The following CRYL1 variants were observed in gnomAD, a reference collection of about 807,000 sequenced individuals.
The protein encoded by CRYL1 is lambda-crystallin homolog.
A neutral mutation model predicts 36.6 loss-of-function variants in CRYL1; 29 were observed. The observed-to-expected ratio is 0.79, with a 90% CI of 0.59 to 1.08. The LOEUF (loss-of-function observed/expected upper bound fraction) is 1.08, where lower values mean the gene tolerates loss of function less well. Ranked by LOEUF, CRYL1 falls within the 50% of genes least tolerant of loss-of-function variation. The probability of loss-of-function intolerance (pLI) is 0.00; values close to 1 mark genes in which losing one functional copy is unlikely to be tolerated. For synonymous variants in CRYL1, 152 were observed against 151.5 expected, an observed-to-expected ratio of 1.00 and a Z score of -0.02; for missense variants, 411 against 407.9, an observed-to-expected ratio of 1.01 and a Z score of -0.06.
At chr13:20,479,639 A>T (rs995245927) in intron 3 of CRYL1, among the ~76,000 whole-genome samples, 4 of 152,260 alleles carry the variant, frequency 2.6e-5, no homozygotes, top group Non-Finnish European at 5.9e-5. Flanking sequence ...CACTATCATT[A>T]CAATTATAAA....
rs2031922941 is a variant in CRYL1 at position 20,425,904 on chromosome 13, C to A, written c.633+6198G>T. On this transcript the variant is annotated intron_variant, in intron 5 of 7. Transcript: ENST00000298248. The surrounding 1 kb of genome is among the most constrained non-coding windows in gnomAD (Gnocchi z 4.4). The stretch of plus-strand genomic sequence containing the variant: ...GTACAGTCGGCAGGCAGGATACACC[C>A]AAGCACAGGCATTCAGCTACAATCA... Among the ~76,000 whole-genome samples, 1 of 152,182 alleles carries A rather than the reference C, an allele frequency of 6.6e-6. No homozygotes were observed. The highest frequency in any genetic ancestry group is 1.5e-5 in the Non-Finnish European group (1 of 68,036).
rs868788691 is a variant in CRYL1, at chr13:20,415,707, C to T, written c.634-2320G>A. Among the ~76,000 whole-genome samples, 23 of 152,352 alleles carry T rather than the reference C, an allele frequency of 1.5e-4. No homozygotes were observed. Among genetic ancestry groups the T allele is most frequent in the Non-Finnish European group, 2.6e-4 (18 of 68,022 alleles). ...TTGGCCTCGCCTGCCGCAGACTCCG[C>T]CCGCTTCTAGAGGCCCGCACCCTGA... On this transcript the variant is annotated intron_variant, in intron 5 of 7. Transcript: ENST00000298248. This position sits in a 1 kb window ranked among gnomAD's most constrained non-coding sequence, Gnocchi z 4.1.
chr13:20,422,062 A>C (rs1037316061), intron 5 of CRYL1, among the ~76,000 whole-genome samples: 18 of 152,092 alleles, frequency 1.2e-4, no homozygotes, highest in Non-Finnish European at 2.4e-4. Flanking sequence ...CTGCTAGAAA[A>C]AAAATCCTAA....
At chr13:20,409,495 CCAAAAGCAATGGCAA>C (rs1203409189) in intron 6 of CRYL1, among the ~76,000 whole-genome samples, 1 of 150,410 alleles carries the variant, frequency 6.6e-6, no homozygotes, top group African/African-American at 2.4e-5. Context: ...GTCTAAAACA[CCAAAAGCAATGGCAA>C]CAAAAGCCAA....
intron 3 of CRYL1, among the ~76,000 whole-genome samples, chr13:20,472,624 C>A (rs1477364742): frequency 6.6e-6 from 1 of 152,206 alleles, no homozygotes; most frequent in Non-Finnish European, 1.5e-5. Flanking sequence ...AGGTTCCTCC[C>A]AACCACTGCC....
chr13:20,489,394 T>G lies in CRYL1; in HGVS notation c.252A>C (p.Ala84=), dbSNP rs202040300. ...CCTGAATGTGCATGGCACCCTCTAC[T>G]GCTTCTTGGATATTGGGACAACCAC... ...LISGCPNIQE[A]VEGAMHIQEC... The change falls in exon 3 of 8, where the codon GCA becomes GCC. Residue 84 remains alanine, a synonymous_variant. Transcript: ENST00000298248. 1.9e-4 allele frequency: 308 copies of G among 1,613,608 alleles called. No individual in the cohort carries two copies. The East Asian group carries it at 5.8e-3, about 30-fold the overall frequency.
At chr13:20,454,808 A>G (rs547460424) in intron 3 of CRYL1, among the ~76,000 whole-genome samples, 5 of 152,270 alleles carry the variant, frequency 3.3e-5, no homozygotes, top group African/African-American at 1.2e-4. Flanking sequence ...TTCCTATGCT[A>G]ACATCACACT....
intron 3 of CRYL1, among the ~76,000 whole-genome samples, chr13:20,445,995 A>G (rs1230299941): frequency 6.6e-6 from 1 of 152,264 alleles, no homozygotes; most frequent in Admixed American, 6.5e-5. Flanking sequence ...TGAGACACAC[A>G]TAACTATACA....
At chr13:20,445,067 G>C (rs188513517) in intron 3 of CRYL1, among the ~76,000 whole-genome samples, 1 of 151,740 alleles carries the variant, frequency 6.6e-6, no homozygotes, top group East Asian at 2.1e-4. Flanking sequence ...TAAAATTGGA[G>C]ACCCTTTAAG....
intron 3 of CRYL1, among the ~76,000 whole-genome samples, chr13:20,470,853 T>G (rs1263654265): frequency 2.9e-5 from 4 of 139,192 alleles, no homozygotes; most frequent in Non-Finnish European, 4.5e-5. Flanking sequence ...GAGGTTGCAG[T>G]GAGCTGAGAT....
At chr13:20,454,939 A>ATGT (rs1464795405) in intron 3 of CRYL1, among the ~76,000 whole-genome samples, 3 of 152,272 alleles carry the variant, frequency 2.0e-5, no homozygotes, top group South Asian at 4.1e-4. Context: ...CATCATATTG[A>ATGT]TGTCCTAGCC....
intron 2 of CRYL1, among the ~76,000 whole-genome samples, chr13:20,505,437 G>C (rs1381379103): frequency 6.6e-6 from 1 of 151,040 alleles, no homozygotes; most frequent in Non-Finnish European, 1.5e-5. Context: ...TGAGAAAAAA[G>C]TGTATGAGGA....
intron 3 of CRYL1, among the ~76,000 whole-genome samples, chr13:20,471,757 T>C (rs1367386583): frequency 6.6e-6 from 1 of 152,190 alleles, no homozygotes; most frequent in Admixed American, 6.5e-5. Flanking sequence ...ACCCCATGGA[T>C]GCTAAAATTC....
chr13:20,482,903 A>G (rs1305044152), intron 3 of CRYL1, among the ~76,000 whole-genome samples: 1 of 152,206 alleles, frequency 6.6e-6, no homozygotes, highest in Non-Finnish European at 1.5e-5. Context: ...CATAGATGGC[A>G]TTGGAGATCA....
In CRYL1 at chr13:20,415,492, C is replaced by T. The variant is rs1217035688; in HGVS notation, c.634-2105G>A. On this transcript the variant is annotated intron_variant, in intron 5 of 7. Transcript: ENST00000298248. The surrounding 1 kb of genome is among the most constrained non-coding windows in gnomAD (Gnocchi z 4.1). Reference sequence around the variant, plus strand: ...GGTGAAGCGGGAGCAGGCGGCCTGGCCCAGGAGCCAGGACGGCCACAGCCA... The same window carrying T: ...GGTGAAGCGGGAGCAGGCGGCCTGGTCCAGGAGCCAGGACGGCCACAGCCA... Among the ~76,000 whole-genome samples the T allele has an allele frequency of 8.5e-5, 13 of 152,194 alleles. No individual in the cohort carries two copies. The highest frequency in any genetic ancestry group is 5.2e-4 in the Admixed American group (8 of 15,284).
intron 5 of CRYL1, among the ~76,000 whole-genome samples, chr13:20,428,295 T>G (rs1160332582): frequency 6.6e-6 from 1 of 152,186 alleles, no homozygotes; most frequent in Non-Finnish European, 1.5e-5. Flanking sequence ...GATCTCAGAT[T>G]TTCGGATTAG....
intron 2 of CRYL1, among the ~76,000 whole-genome samples, chr13:20,507,169 G>C (rs370063331): frequency 2.0e-5 from 3 of 152,150 alleles, no homozygotes; most frequent in East Asian, 3.8e-4. Context: ...TCAGTCTCAG[G>C]TATGTCTTTA....
In CRYL1 at chr13:20,432,188, G is replaced by A; in HGVS notation, c.547C>T (p.Pro183Ser). ...GCCACCTCCTTCTGGACTCGCATGG[G>A]GCACTGTCCAATCTTCTTCATCAGG... ...HALMKKIGQC[P>S]MRVQKEVAGF... The change falls in exon 5 of 8, where the codon CCC becomes TCC. Residue 183 changes from proline to serine, a missense_variant. Coordinates refer to ENST00000298248, the MANE Select transcript of CRYL1 (RefSeq NM_015974.3). The A allele has an allele frequency of 6.2e-7, 1 of 1,614,056 alleles. No individual in the cohort carries two copies. Among genetic ancestry groups the A allele is most frequent in the Non-Finnish European group, 8.5e-7 (1 of 1,180,018 alleles).
At chr13:20,497,946 G>A (rs1166688942) in intron 2 of CRYL1, among the ~76,000 whole-genome samples, 1 of 151,806 alleles carries the variant, frequency 6.6e-6, no homozygotes, top group Admixed American at 6.6e-5. Context: ...TTTTAATGAT[G>A]GATTGAAAAC....
Sources: gnomAD v4.1 joint callset for allele counts (sites outside exome capture counted in the v4.1 genomes callset) on GRCh38, gnomAD v4.1.1 for gene constraint, Gnocchi (gnomAD v3.1) non-coding constraint, MANE v1.5 for transcripts, NCBI Gene and HGNC (gene_info 2026-07-23, HGNC 2026-07-21) for gene names.